The following C19orf44 variants were observed in gnomAD, a reference collection of about 807,000 sequenced individuals.
C19orf44 encodes uncharacterized protein C19orf44.
Under a neutral mutation model 50.7 loss-of-function variants are expected in C19orf44, and 43 were observed. The ratio of observed to expected loss-of-function variants is 0.85; its 90% confidence interval spans 0.66 to 1.09. The LOEUF (loss-of-function observed/expected upper bound fraction) is 1.09. Among genes scored for constraint, C19orf44 ranks in the 50% least tolerant of loss-of-function variants. C19orf44 has a pLI of 0.00. For synonymous variants in C19orf44, 298 were observed against 334.7 expected (o/e 0.89, Z 1.20); for missense variants, 722 against 836.2 (o/e 0.86, Z 1.68).
Position 16,503,182 on chromosome 19 carries a change from C to T in C19orf44, c.877C>T (p.Arg293Cys), listed in dbSNP as rs199764040. Residue 293 changes from arginine (R) to cysteine (C), a missense_variant, in exon 3 of 9, where the codon CGC becomes TGC. By Grantham distance (180) the Arg-to-Cys change is radical (BLOSUM62 -3). Transcript: ENST00000221671. ...AGCAGACAGAACCCTTCACAGCACT[C>T]GCTCAAGAGCAGACTACCCACAGAG... ...LAADRTLHST[R>C]SRADYPQSHV... 1.7e-4 allele frequency: 280 copies of T among 1,614,132 alleles called. 2 individuals are homozygous for T. In the East Asian group the frequency reaches 4.5e-3, roughly 26 times the overall value.
chr19:16,510,022 C>A, intron 5 of C19orf44, 34 bp downstream of exon 5: 14 of 1,613,892 alleles, frequency 8.7e-6, no homozygotes, highest in Non-Finnish European at 1.1e-5. Flanking sequence ...CCGGGGCAGC[C>A]GGGACAGGAG....
intron 3 of C19orf44, among the ~76,000 whole-genome samples, chr19:16,503,787 G>A (rs961823886): frequency 6.6e-6 from 1 of 152,102 alleles, no homozygotes; most frequent in African/African-American, 2.4e-5. Flanking sequence ...CTGATCTTGA[G>A]TTCCTGGCCT....
intron 4 of C19orf44, among the ~76,000 whole-genome samples, chr19:16,507,038 C>T (rs2093442655): frequency 6.6e-6 from 1 of 152,120 alleles, no homozygotes. Context: ...TCAAATCTGC[C>T]CCCCAGGGGA....
At chr19:16,497,352 C>CTTTTTTT (rs71180303) in intron 1 of C19orf44, among the ~76,000 whole-genome samples, 4 of 127,028 alleles carry the variant, frequency 3.1e-5, no homozygotes, top group East Asian at 2.3e-4. Context: ...TTTTTCTTTC[C>CTTTTTTT]TTTTTTTTTT....
chr19:16,502,428 G>A (rs2093428199), intron 2 of C19orf44, among the ~76,000 whole-genome samples: 1 of 151,536 alleles, frequency 6.6e-6, no homozygotes, highest in African/African-American at 2.4e-5. Flanking sequence ...AGTAGAGATG[G>A]GGTTTCATCC....
intron 6 of C19orf44, 54 bp from the exon 7 acceptor site, chr19:16,514,443 T>G (rs1599738866): frequency 7.0e-7 from 1 of 1,430,898 alleles, no homozygotes; most frequent in Non-Finnish European, 9.4e-7. Context: ...GGGGGGGGGC[T>G]GCAGAATTTG....
At chr19:16,501,599 A>ATT in intron 2 of C19orf44, 48 bp downstream of exon 2, 4 of 1,095,218 alleles carry the variant, frequency 3.7e-6, no homozygotes, top group East Asian at 3.5e-5. Context: ...ATTTAATTTA[A>ATT]TTTTTTTTTT....
At chr19:16,500,532 A>G (rs1158279491) in intron 1 of C19orf44, among the ~76,000 whole-genome samples, 1 of 151,344 alleles carries the variant, frequency 6.6e-6, no homozygotes. Flanking sequence ...TTTAGTAGAG[A>G]CGGGGTTTCA....
rs201946733 is a variant in C19orf44, at chr19:16,509,661, G to A, written c.1312G>A (p.Ala438Thr). ...GAGCGAGGTCTCGGAGCATCTCAGT[G>A]CCAGCTCGGCTTCTGCCATCCAGCA... ...DESEVSEHLS[A>T]SSASAIQQDS... The change falls in exon 5 of 9, where the codon GCC becomes ACC. Residue 438 changes from alanine (A) to threonine (T), a missense_variant. Ala to Thr is a moderately conservative substitution (Grantham distance 58). Transcript: ENST00000221671. The A allele has an allele frequency of 3.1e-6, 5 of 1,614,252 alleles. No homozygotes were observed. In the African/African-American group the frequency reaches 6.7e-5, roughly 21 times the overall value.
intron 1 of C19orf44, among the ~76,000 whole-genome samples, chr19:16,500,203 A>G (rs2093421020): frequency 6.6e-6 from 1 of 152,086 alleles, no homozygotes; most frequent in Admixed American, 6.6e-5. Flanking sequence ...TGCTGGCATT[A>G]TAGGTGTGAG....
chr19:16,514,689 G>C (rs747343095), intron 7 of C19orf44, 26 bp downstream of exon 7: 7 of 1,533,782 alleles, frequency 4.6e-6, no homozygotes, highest in Middle Eastern at 1.7e-4. Flanking sequence ...CATGGGCAGG[G>C]GCAGGGCAGT....
At chr19:16,513,254 C>T (rs965329841) in intron 6 of C19orf44, 145 bp downstream of exon 6, 25 of 755,038 alleles carry the variant, frequency 3.3e-5, no homozygotes, top group Non-Finnish European at 5.2e-5. Context: ...CAGCCACAGG[C>T]ACCTGCCATG....
chr19:16,518,973 C>T, intron 8 of C19orf44: 1 of 618,910 alleles, frequency 1.6e-6, no homozygotes, highest in Non-Finnish European at 2.8e-6. Flanking sequence ...GGCACCCGTG[C>T]CCTCCACGCC....
intron 3 of C19orf44, among the ~76,000 whole-genome samples, chr19:16,505,759 T>C (rs1433414532): frequency 6.6e-6 from 1 of 152,192 alleles, no homozygotes; most frequent in Non-Finnish European, 1.5e-5. Context: ...CTTGGCTCAC[T>C]GCAACCTCCA....
At chr19:16,497,296 A>G (rs2093412138) in intron 1 of C19orf44, among the ~76,000 whole-genome samples, 1 of 150,972 alleles carries the variant, frequency 6.6e-6, no homozygotes, top group African/African-American at 2.4e-5. Flanking sequence ...CAGTTCTTAC[A>G]AATGAAATGA....
At chr19:16,517,149 T>G in intron 7 of C19orf44, 81 bp from the exon 8 acceptor site, 1 of 1,314,698 alleles carries the variant, frequency 7.6e-7, no homozygotes, top group Non-Finnish European at 1.1e-6. Flanking sequence ...AGGTGCTGGC[T>G]CCACTCCCTC....
intron 3 of C19orf44, among the ~76,000 whole-genome samples, chr19:16,506,124 C>T (rs1469533987): frequency 6.6e-5 from 10 of 152,012 alleles, no homozygotes; most frequent in Admixed American, 1.3e-4. Flanking sequence ...TACAGGCACC[C>T]GCCACCACGC....
At chr19:16,512,481 CG>C (rs1431677447) in intron 5 of C19orf44, among the ~76,000 whole-genome samples, 1 of 152,046 alleles carries the variant, frequency 6.6e-6, no homozygotes, top group Non-Finnish European at 1.5e-5. Flanking sequence ...CCGGAGCCAC[CG>C]CTGCACCCAG....
intron 5 of C19orf44, 35 bp downstream of exon 5, chr19:16,510,023 G>A (rs770380454): frequency 3.0e-5 from 48 of 1,613,802 alleles, no homozygotes; most frequent in Middle Eastern, 1.6e-4. Flanking sequence ...CGGGGCAGCC[G>A]GGACAGGAGC....
Sources: allele counts gnomAD v4.1 joint callset (sites outside exome capture counted in the v4.1 genomes callset), GRCh38; gene constraint gnomAD v4.1.1; transcripts MANE v1.5; gene names NCBI Gene and HGNC (gene_info 2026-07-23, HGNC 2026-07-21).